The following NUMB variants were observed in gnomAD, a reference collection of about 807,000 sequenced individuals.
NUMB encodes protein numb homolog.
NUMB carries 29 observed loss-of-function variants against 59.7 expected under a neutral mutation model. The observed-to-expected ratio is 0.49, with a 90% CI of 0.36 to 0.66. The LOEUF is 0.66. Ranked by LOEUF, NUMB falls within the 30% of genes least tolerant of loss-of-function variation. The pLI, the probability that NUMB is intolerant of heterozygous loss-of-function variation, is 0.00. For missense variants in NUMB, 723 were observed against 822.0 expected, an observed-to-expected ratio of 0.88 and a Z score of 1.47; for synonymous variants, 288 against 288.2, an observed-to-expected ratio of 1.00 and a Z score of 0.01.
rs935625343 is a variant in NUMB, at chr14:73,411,919, CTTT to C, written c.-232-1854_-232-1852del. On this transcript the variant is annotated intron_variant, in intron 1 of 12. Coordinates refer to ENST00000555238, the MANE Select transcript of NUMB (RefSeq NM_001005743.2). ...GAATAAGAAGACAAGCAGCAATTAA[CTTT>C]TTTTTTTTTTTTTTTTTTTTGAGAC... is the stretch of plus-strand genomic sequence containing the variant. Among the ~76,000 whole-genome samples the C allele has an allele frequency of 6.8e-3, 731 of 106,786 alleles. 4 individuals carry two copies. Among genetic ancestry groups the C allele is most frequent in the African/African-American group, 0.023 (645 of 27,472 alleles). The allele number at this position is 106,786 out of a possible 152,430, so 70.1% of individuals were successfully genotyped here.
At chr14:73,355,547 T>C (rs780560071) in intron 4 of NUMB, 79 bp downstream of exon 4, 1 of 1,303,910 alleles carries the variant, frequency 7.7e-7, no homozygotes, top group Admixed American at 2.6e-5. Flanking sequence ...CTCTTAATTG[T>C]CCTTATTAAT....
chr14:73,382,006 G>A (rs946214269), intron 2 of NUMB, among the ~76,000 whole-genome samples: 3 of 152,174 alleles, frequency 2.0e-5, no homozygotes, highest in Non-Finnish European at 4.4e-5. Context: ...ACAGTTCACA[G>A]CTACCAAGAC....
intron 2 of NUMB, among the ~76,000 whole-genome samples, chr14:73,390,070 A>C (rs989748827): frequency 3.3e-5 from 5 of 152,240 alleles, no homozygotes; most frequent in Non-Finnish European, 7.3e-5. Flanking sequence ...TCCATAATAG[A>C]AATATTTGAT....
intron 4 of NUMB, among the ~76,000 whole-genome samples, chr14:73,339,578 C>G (rs1212029180): frequency 6.6e-6 from 1 of 152,102 alleles, no homozygotes; most frequent in Non-Finnish European, 1.5e-5. Context: ...TTTAAATAGA[C>G]ATGGGGTTTT....
chr14:73,383,524 G>A (rs555544315), intron 2 of NUMB, among the ~76,000 whole-genome samples: 1 of 152,250 alleles, frequency 6.6e-6, no homozygotes, highest in African/African-American at 2.4e-5. Flanking sequence ...TAGAATCCCA[G>A]AGGGAACTGA....
chr14:73,282,327 G>C (rs369292277), intron 11 of NUMB, 32 bp downstream of exon 11: 30 of 1,610,888 alleles, frequency 1.9e-5, no homozygotes, highest in Admixed American at 1.2e-4. Context: ...TGGTTGTAAA[G>C]AGAACAGCTG....
At chr14:73,426,910 G>A (rs1048632237) in intron 1 of NUMB, among the ~76,000 whole-genome samples, 2 of 152,078 alleles carry the variant, frequency 1.3e-5, no homozygotes, top group Non-Finnish European at 2.9e-5. Context: ...AGCTACTTAG[G>A]AGGCTGAGAT....
chr14:73,328,718 T>A (rs546198829), intron 4 of NUMB, among the ~76,000 whole-genome samples: 3 of 152,370 alleles, frequency 2.0e-5, no homozygotes, highest in African/African-American at 7.2e-5. Context: ...ATCCACATCT[T>A]ATTTGATGAA....
chr14:73,302,592 G>A (rs1890211635), intron 6 of NUMB, among the ~76,000 whole-genome samples: 2 of 151,236 alleles, frequency 1.3e-5, no homozygotes, highest in Admixed American at 6.6e-5. Context: ...TATTTTTTTT[G>A]GTAGAGATGA....
rs1039404366 is a variant in NUMB, at chr14:73,284,101, T to G, written c.929A>C (p.Asp310Ala). 3 of 1,613,898 alleles carry G rather than the reference T, an allele frequency of 1.9e-6. No homozygotes were observed. Among genetic ancestry groups the G allele is most frequent in the African/African-American group, 2.7e-5 (2 of 74,910 alleles). The change falls in exon 10 of 13, where the codon GAT (aspartate) becomes GCT (alanine). Residue 310 changes from aspartate to alanine, a missense_variant. By Grantham distance (126) the Asp-to-Ala change is moderately radical. Coordinates refer to ENST00000555238, the MANE Select transcript of NUMB (RefSeq NM_001005743.2). Reference protein sequence around the residue: ...ELPSTMQRKTDFPIKNAVPEV... With the variant: ...ELPSTMQRKTAFPIKNAVPEV... Reference sequence around the variant, plus strand: ...ATTACCTGCATTTTTAATGGGGAAATCAGTCTTCCTCTGCATAGTGGAAGG... The same window carrying G: ...ATTACCTGCATTTTTAATGGGGAAAGCAGTCTTCCTCTGCATAGTGGAAGG...
At chr14:73,427,981 C>T (rs1368841044) in intron 1 of NUMB, among the ~76,000 whole-genome samples, 1 of 152,144 alleles carries the variant, frequency 6.6e-6, no homozygotes, top group Non-Finnish European at 1.5e-5. Context: ...AGAAAAGTGT[C>T]TTTATAACTA....
intron 7 of NUMB, among the ~76,000 whole-genome samples, chr14:73,296,438 T>C (rs1468665101): frequency 1.0e-5 from 1 of 99,926 alleles, no homozygotes; most frequent in Non-Finnish European, 1.9e-5. Context: ...TGAAACTCCA[T>C]CTCAAAAAAA....
At chr14:73,331,621 T>A (rs1335002998) in intron 4 of NUMB, among the ~76,000 whole-genome samples, 1 of 152,208 alleles carries the variant, frequency 6.6e-6, no homozygotes, top group Non-Finnish European at 1.5e-5. Context: ...AAATCTCACC[T>A]TGAATTGCAA....
intron 1 of NUMB, among the ~76,000 whole-genome samples, chr14:73,419,698 C>T (rs1897279636): frequency 6.6e-6 from 1 of 151,904 alleles, no homozygotes; most frequent in African/African-American, 2.4e-5. Flanking sequence ...CAGAAAGTCC[C>T]ACCCAAGAAC....
chr14:73,289,895 C>G (rs1889279124), intron 8 of NUMB, among the ~76,000 whole-genome samples: 1 of 152,150 alleles, frequency 6.6e-6, no homozygotes, highest in South Asian at 2.1e-4. Flanking sequence ...TTCTCCTAGG[C>G]CTAGGGCAGA....
At chr14:73,420,981 G>GA (rs1241377563) in intron 1 of NUMB, among the ~76,000 whole-genome samples, 2 of 151,712 alleles carry the variant, frequency 1.3e-5, no homozygotes, top group Non-Finnish European at 2.9e-5. Flanking sequence ...ACAAAATGCG[G>GA]AAAAAAAATC....
chr14:73,456,681 T>C (rs1377027217), intron 1 of NUMB, among the ~76,000 whole-genome samples: 1 of 152,218 alleles, frequency 6.6e-6, no homozygotes, highest in Non-Finnish European at 1.5e-5. Context: ...TCCTTTATAA[T>C]AGGATCTTTT....
intron 8 of NUMB, among the ~76,000 whole-genome samples, chr14:73,288,817 C>T (rs1321040299): frequency 6.6e-6 from 1 of 151,972 alleles, no homozygotes; most frequent in Non-Finnish European, 1.5e-5. Context: ...CACGATCGTG[C>T]CATTGCACTC....
intron 4 of NUMB, among the ~76,000 whole-genome samples, chr14:73,335,267 T>C (rs925279323): frequency 1.5e-5 from 2 of 135,746 alleles, no homozygotes; most frequent in African/African-American, 5.6e-5. Flanking sequence ...TCAGTTCAAT[T>C]GGTCACATAT....
Sources: allele counts gnomAD v4.1 joint callset (sites outside exome capture counted in the v4.1 genomes callset), GRCh38; gene constraint gnomAD v4.1.1; transcripts MANE v1.5; gene names NCBI Gene and HGNC (gene_info 2026-07-23, HGNC 2026-07-21).